The following ZZZ3 variants were observed in gnomAD, a reference collection of about 807,000 sequenced individuals.
The protein encoded by ZZZ3 is zinc finger ZZ-type containing 3, also known as ZZ-type zinc finger-containing protein 3.
Under a neutral mutation model 95.2 loss-of-function variants are expected in ZZZ3, and 22 were observed. That is an observed-to-expected ratio of 0.23 (90% CI 0.17 to 0.33). ZZZ3 has a LOEUF of 0.33. ZZZ3 is among the 10% of genes least tolerant of loss of function. The pLI, the probability that ZZZ3 is intolerant of heterozygous loss-of-function variation, is 1.00. For missense variants in ZZZ3, 885 were observed against 1,066.5 expected (o/e 0.83, Z 2.37); for synonymous variants, 335 against 358.9 (o/e 0.93, Z 0.75).
chr1:77,629,708 T>C (rs768989423), intron 5 of ZZZ3, among the ~76,000 whole-genome samples: 1 of 152,212 alleles, frequency 6.6e-6, no homozygotes, highest in Non-Finnish European at 1.5e-5. Context: ...TCAGTAATTT[T>C]TTCCCCAATG....
intron 1 of ZZZ3, among the ~76,000 whole-genome samples, chr1:77,675,243 ATTTCAT>A (rs1477771932): frequency 6.6e-6 from 1 of 152,160 alleles, no homozygotes; most frequent in Admixed American, 6.5e-5. Context: ...TAAAAGCATT[ATTTCAT>A]TTTATTTATG....
intron 8 of ZZZ3, 79 bp downstream of exon 8, chr1:77,581,697 A>T: frequency 1.7e-6 from 2 of 1,144,594 alleles, no homozygotes; most frequent in Non-Finnish European, 2.5e-6. Flanking sequence ...CTTTAATTTT[A>T]AGAACACAAA....
In ZZZ3 at chr1:77,563,260, GT is replaced by G; in HGVS notation, c.*2379del. ...TTAGCAAGTAGGTCTTTTACAGTCT[GT>G]TTTAGCTTACAGTCCAATAATTCTA... On this transcript the variant is annotated 3_prime_UTR_variant, in exon 15 of 15. Transcript: ENST00000370801. 6.6e-6 allele frequency: 1 copy of G among 152,302 alleles called. No individual in the cohort carries two copies. Among genetic ancestry groups the G allele is most frequent in the Admixed American group, 6.5e-5 (1 of 15,296 alleles). 9.4% of individuals were successfully genotyped at this position (152,302 alleles called of 1,614,324 possible). A position where few individuals can be genotyped will look rare whatever the true frequency, so the allele number is the denominator to read the frequency against.
At chr1:77,659,860 C>G (rs1413889570) in intron 1 of ZZZ3, among the ~76,000 whole-genome samples, 2 of 151,824 alleles carry the variant, frequency 1.3e-5, no homozygotes, top group Non-Finnish European at 2.9e-5. Context: ...GAGTCAGGAT[C>G]TCACTCTTGT....
At chr1:77,652,458 G>A (rs1430678239) in intron 1 of ZZZ3, among the ~76,000 whole-genome samples, 1 of 152,206 alleles carries the variant, frequency 6.6e-6, no homozygotes, top group African/African-American at 2.4e-5. Context: ...TGTTGGCAAA[G>A]ATGTAGAGTT....
chr1:77,583,772 C>A (rs1190041905), intron 6 of ZZZ3, among the ~76,000 whole-genome samples: 1 of 151,880 alleles, frequency 6.6e-6, no homozygotes, highest in African/African-American at 2.4e-5. Flanking sequence ...CAGTTTTAAT[C>A]TTTTCATACA....
In ZZZ3 at chr1:77,614,695, T is replaced by C. The variant is rs191366264; in HGVS notation, c.1505+17155A>G. On this transcript the variant is annotated intron_variant, in intron 5 of 14. Coordinates refer to ENST00000370801, the MANE Select transcript of ZZZ3 (RefSeq NM_015534.6). ...ATAAGTTAAATATACTGTAAATCAA[T>C]ATACAGGGGAATATGTTACTAGATA... 2.9e-4 allele frequency among the ~76,000 whole-genome samples: 44 copies of C among 152,254 alleles called. No individual in the cohort carries two copies. The East Asian group carries it at 7.7e-3, about 27-fold the overall frequency.
At chr1:77,567,983 A>G (rs946678481) in intron 13 of ZZZ3, among the ~76,000 whole-genome samples, 2 of 152,212 alleles carry the variant, frequency 1.3e-5, no homozygotes, top group African/African-American at 4.8e-5. Context: ...GGGATAAAAG[A>G]TAACTTTTTC....
At chr1:77,595,066 C>A (rs1050611179) in intron 5 of ZZZ3, among the ~76,000 whole-genome samples, 1 of 151,938 alleles carries the variant, frequency 6.6e-6, no homozygotes, top group African/African-American at 2.4e-5. Context: ...ACTTACCATG[C>A]ACATTCACTG....
In ZZZ3 at chr1:77,581,876, C is replaced by T. The variant is rs778167851; in HGVS notation, c.1808G>A (p.Arg603Lys). 6.2e-7 allele frequency: 1 copy of T among 1,613,690 alleles called. No individual in the cohort carries two copies. The highest frequency in any genetic ancestry group is 1.1e-5 in the South Asian group (1 of 90,990). Reference sequence around the variant, plus strand: ...CTTAGGATCTAAAGGACTTTTTGGTCTAGCAGGTAAACCTACTGAAAAATA... The same window carrying T: ...CTTAGGATCTAAAGGACTTTTTGGTTTAGCAGGTAAACCTACTGAAAAATA... The part of the protein sequence containing the change: ...LVFDKVGLPA[R>K]PKSPLDPKKD... The change falls in exon 8 of 15, where the codon AGA becomes AAA. Residue 603 changes from arginine (R) to lysine (K), a missense_variant. Coordinates refer to ENST00000370801, the MANE Select transcript of ZZZ3 (RefSeq NM_015534.6).
Position 77,565,558 on chromosome 1 carries a change from T to G in ZZZ3, c.*82A>C. The G allele has an allele frequency of 6.9e-7, 1 of 1,446,658 alleles. No individual in the cohort carries two copies. The highest frequency in any genetic ancestry group is 1.8e-4 in the Middle Eastern group (1 of 5,546). The allele number at this position is 1,446,658 out of a possible 1,614,324, so 89.6% of individuals were successfully genotyped here. ...GTGTCATTTCTGGGAAAGCAGAGAA[T>G]CTTTCCAAACTGTGCACATAATTAA... On this transcript the variant is annotated 3_prime_UTR_variant, in exon 15 of 15. Coordinates refer to ENST00000370801, the MANE Select transcript of ZZZ3 (RefSeq NM_015534.6).
chr1:77,582,020 C>G lies in ZZZ3; in HGVS notation c.1751G>C (p.Arg584Pro). The G allele has an allele frequency of 6.2e-7, 1 of 1,610,060 alleles. No homozygotes were observed. Among genetic ancestry groups the G allele is most frequent in the Non-Finnish European group, 8.5e-7 (1 of 1,176,834 alleles). ...CTTAACTCTTCTAGTATGTCTTTTACGATTTTTAAATTCTCTTTCAAAATT... is the reference window on the plus strand; with the variant it reads ...CTTAACTCTTCTAGTATGTCTTTTAGGATTTTTAAATTCTCTTTCAAAATT... ...LGNFEREFKN[R>P]KRHTRRVKLV... The change falls in exon 7 of 15, where the codon CGT (arginine) becomes CCT (proline). Residue 584 changes from arginine (R) to proline (P), a missense_variant. Arg to Pro is a moderately radical substitution (Grantham distance 103). Transcript: ENST00000370801.
intron 5 of ZZZ3, among the ~76,000 whole-genome samples, chr1:77,587,950 ATCT>A (rs1570437444): frequency 6.6e-6 from 1 of 152,074 alleles, no homozygotes; most frequent in East Asian, 1.9e-4. Flanking sequence ...TCTTAATAAC[ATCT>A]TCTGTTTTCT....
At chr1:77,576,783 A>C (rs74090660) in intron 11 of ZZZ3, among the ~76,000 whole-genome samples, 2,268 of 125,032 alleles carry the variant, frequency 0.018, 66 homozygotes, top group African/African-American at 0.057. Context: ...AAAACAACAA[A>C]AAAAAAATTT....
rs536924180 is a variant in ZZZ3 at position 77,610,089 on chromosome 1, CT to C, written c.1505+21760del. On this transcript the variant is annotated intron_variant, in intron 5 of 14. Transcript: ENST00000370801. ...TGAAAAGACAAACAAAACTGACAAA[CT>C]TTGGCCAGACTTAAAAAAAAAGAGC... Among the ~76,000 whole-genome samples the C allele has an allele frequency of 2.5e-4, 38 of 149,512 alleles. 1 individual carries two copies. Among genetic ancestry groups the C allele is most frequent in the Admixed American group, 4.7e-4 (7 of 15,004 alleles).
intron 1 of ZZZ3, among the ~76,000 whole-genome samples, chr1:77,672,837 G>A (rs1213200364): frequency 1.3e-5 from 2 of 152,132 alleles, no homozygotes; most frequent in African/African-American, 4.8e-5. Flanking sequence ...ACAAAAGTTA[G>A]TTCATCTCTC....
At chr1:77,629,727 T>C (rs1430618320) in intron 5 of ZZZ3, among the ~76,000 whole-genome samples, 2 of 152,306 alleles carry the variant, frequency 1.3e-5, no homozygotes, top group East Asian at 3.9e-4. Flanking sequence ...TGTCACCCAA[T>C]GAGGCATTAA....
chr1:77,635,630 G>C (rs1034338496), intron 4 of ZZZ3, among the ~76,000 whole-genome samples: 13 of 152,178 alleles, frequency 8.5e-5, no homozygotes, highest in African/African-American at 3.1e-4. Context: ...AACTGGCCAG[G>C]GGCAGTGGCT....
At chr1:77,569,108 G>A (rs1464458351) in intron 12 of ZZZ3, among the ~76,000 whole-genome samples, 1 of 152,194 alleles carries the variant, frequency 6.6e-6, no homozygotes, top group Non-Finnish European at 1.5e-5. Flanking sequence ...AGGCCGAGGT[G>A]GACGGATCAC....
Sources: gnomAD v4.1 joint callset for allele counts (sites outside exome capture counted in the v4.1 genomes callset) on GRCh38, gnomAD v4.1.1 for gene constraint, MANE v1.5 for transcripts, NCBI Gene and HGNC (gene_info 2026-07-23, HGNC 2026-07-21) for gene names.